The following UBOX5 variants were observed in gnomAD, a reference collection of about 807,000 sequenced individuals.
UBOX5 encodes the protein U-box domain containing 5, also known as RING finger protein 37.
In UBOX5, 28 loss-of-function variants were observed where a neutral mutation model predicts 39.0. That is an observed-to-expected ratio of 0.72 (90% CI 0.53 to 0.98). The LOEUF is 0.98. Ranked by LOEUF, UBOX5 falls within the 50% of genes least tolerant of loss-of-function variation. The pLI is 0.00. For synonymous variants in UBOX5, 283 were observed against 275.5 expected, an observed-to-expected ratio of 1.03 and a Z score of -0.27; for missense variants, 585 against 674.4, an observed-to-expected ratio of 0.87 and a Z score of 1.47.
intron 1 of UBOX5, chr20:3,146,722 A>G: frequency 6.5e-7 from 1 of 1,544,390 alleles, no homozygotes; most frequent in Admixed American, 2.0e-5. Context: ...ATTTTGCAAC[A>G]CCTGGTACAG....
intron 1 of UBOX5, among the ~76,000 whole-genome samples, chr20:3,140,065 A>G (rs1252164644): frequency 8.9e-6 from 1 of 112,866 alleles, no homozygotes; most frequent in Non-Finnish European, 1.7e-5. Context: ...TCTGTCACCC[A>G]GGCTGGAGTG....
At chr20:3,141,179 A>G (rs2066514926) in intron 1 of UBOX5, among the ~76,000 whole-genome samples, 1 of 151,772 alleles carries the variant, frequency 6.6e-6, no homozygotes, top group Non-Finnish European at 1.5e-5. Flanking sequence ...TCAGCCTCCC[A>G]AAGTGCTGGG....
chr20:3,159,843 C>T lies in UBOX5; in HGVS notation c.-119G>A, dbSNP rs553657959. The T allele has an allele frequency of 8.5e-4, 129 of 152,432 alleles. 1 individual carries two copies. Among genetic ancestry groups the T allele is most frequent in the Admixed American group, 3.4e-3 (52 of 15,312 alleles). 9.4% of individuals were successfully genotyped at this position (152,432 alleles called of 1,614,324 possible). On this transcript the variant is annotated 5_prime_UTR_variant, in exon 1 of 5. Coordinates refer to ENST00000217173, the MANE Select transcript of UBOX5 (RefSeq NM_014948.4). ...GGCGGCGACACAGATACTGGCTCCT[C>T]CGGCGACTCCGAGCCTCACAGCCCC...
At chr20:3,114,213 G>T (rs1437979473) in intron 4 of UBOX5, among the ~76,000 whole-genome samples, 1 of 152,146 alleles carries the variant, frequency 6.6e-6, no homozygotes, top group Non-Finnish European at 1.5e-5. Flanking sequence ...GGAGCTACAG[G>T]GGAACATGGA....
chr20:3,132,480 C>T (rs146539868), intron 1 of UBOX5, among the ~76,000 whole-genome samples: 1,824 of 152,060 alleles, frequency 0.012, 16 homozygotes, highest in South Asian at 0.044. Context: ...TAAATCTAAA[C>T]TGCTCTAAAT....
chr20:3,141,238 T>C (rs567687263), intron 1 of UBOX5, among the ~76,000 whole-genome samples: 2 of 152,032 alleles, frequency 1.3e-5, no homozygotes, highest in East Asian at 1.9e-4. Flanking sequence ...GTTTAACAAA[T>C]AAAAATAAAG....
At position 3,112,428 on chromosome 20, in the gene UBOX5, GAAA is replaced by G. The variant is rs11477759; in HGVS notation, c.1418-2117_1418-2115del. 6.6e-3 allele frequency among the ~76,000 whole-genome samples: 796 copies of G among 121,010 alleles called. 14 individuals carry two copies. Among genetic ancestry groups the G allele is most frequent in the African/African-American group, 0.021 (744 of 35,444 alleles). The allele number at this position is 121,010 out of a possible 152,430, so 79.4% of individuals were successfully genotyped here. A position where few individuals can be genotyped will look rare whatever the true frequency, so the allele number is the denominator to read the frequency against. On this transcript the variant is annotated intron_variant, in intron 4 of 4. Transcript: ENST00000217173. ...AGCCCCAGGGGCAGTTTCAGTGACA[GAAA>G]AAAAAAAAAAAAAATCATCAAGGAA...
intron 1 of UBOX5, among the ~76,000 whole-genome samples, chr20:3,156,173 C>CT (rs761149925): frequency 0.035 from 4,546 of 130,112 alleles, 162 homozygotes; most frequent in Admixed American, 0.067. Context: ...ACTTCTGACT[C>CT]TTTTTTTTTT....
intron 1 of UBOX5, among the ~76,000 whole-genome samples, chr20:3,155,052 CAAA>C (rs11326176): frequency 0.011 from 1,022 of 96,108 alleles, 16 homozygotes; most frequent in African/African-American, 0.044. Flanking sequence ...GACACAGTCT[CAAA>C]AAAAAAAAAA....
intron 1 of UBOX5, among the ~76,000 whole-genome samples, chr20:3,155,052 CAAAAAAAAAA>C (rs11326176): frequency 1.0e-5 from 1 of 96,100 alleles, no homozygotes; most frequent in Non-Finnish European, 2.0e-5. Context: ...GACACAGTCT[CAAAAAAAAAA>C]AAAAAAAAAA....
In UBOX5 at chr20:3,115,521, C is replaced by G. The variant is rs1050226367; in HGVS notation, c.1256-55G>C. The stretch of plus-strand genomic sequence containing the variant: ...CAGAGACAGGCTCCGCAAAAGAGAA[C>G]AGCCTCAAGTCCTTCGAGGGCTGTA... On this transcript the variant is annotated intron_variant, in intron 3 of 4. Coordinates refer to ENST00000217173, the MANE Select transcript of UBOX5 (RefSeq NM_014948.4). The G allele has an allele frequency of 1.0e-5, 16 of 1,548,948 alleles. No individual in the cohort carries two copies. In the Admixed American group the frequency reaches 1.5e-4, roughly 15 times the overall value.
intron 1 of UBOX5, among the ~76,000 whole-genome samples, chr20:3,143,284 G>C (rs1362075865): frequency 6.6e-6 from 1 of 151,484 alleles, no homozygotes; most frequent in African/African-American, 2.4e-5. Flanking sequence ...TGCATTTTTA[G>C]TAGAGACAGG....
intron 1 of UBOX5, chr20:3,147,941 A>G (rs774843885): frequency 5.0e-6 from 8 of 1,614,244 alleles, no homozygotes; most frequent in Non-Finnish European, 5.9e-6. Context: ...TATCTCTCCA[A>G]TCTGCTTCAT....
In UBOX5 at chr20:3,158,759, C is replaced by A. The variant is rs112169763; in HGVS notation, c.-42+1007G>T. 2.3e-3 allele frequency among the ~76,000 whole-genome samples: 347 copies of A among 152,352 alleles called. 1 individual carries two copies. The highest frequency in any genetic ancestry group is 7.7e-3 in the African/African-American group (322 of 41,586). ...AAAGTGCTGGGATTACAGGCGTGAG[C>A]CACTGTGTCCGGCCCAGATTTTATT... On this transcript the variant is annotated intron_variant, in intron 1 of 4. Coordinates refer to ENST00000217173, the MANE Select transcript of UBOX5 (RefSeq NM_014948.4).
Position 3,110,469 on chromosome 20 carries a change from C to A in UBOX5, c.1418-155G>T, listed in dbSNP as rs2422845. 6.1e-3 allele frequency: 5,044 copies of A among 820,784 alleles called. 209 individuals carry two copies. In the African/African-American group the frequency reaches 0.077, roughly 13 times the overall value. 50.8% of individuals were successfully genotyped at this position (820,784 alleles called of 1,614,324 possible). On this transcript the variant is annotated intron_variant, in intron 4 of 4. Transcript: ENST00000217173. ...GTCTGATCAGGTAGGGGAGTGGAAG[C>A]GGGAGAGGGAGCCTGGGAACCCGGG... is the stretch of plus-strand genomic sequence containing the variant.
intron 3 of UBOX5, among the ~76,000 whole-genome samples, chr20:3,116,953 A>G (rs2066297783): frequency 1.3e-5 from 2 of 151,992 alleles, no homozygotes; most frequent in Non-Finnish European, 2.9e-5. Context: ...AAAATTAGCC[A>G]GGCGTAGTAG....
intron 1 of UBOX5, among the ~76,000 whole-genome samples, chr20:3,132,415 T>C (rs1485311507): frequency 6.6e-6 from 1 of 152,296 alleles, no homozygotes; most frequent in East Asian, 1.9e-4. Context: ...TCATTAGTTA[T>C]AAGAAATGTA....
chr20:3,143,461 A>G (rs1283719171), intron 1 of UBOX5, among the ~76,000 whole-genome samples: 2 of 152,126 alleles, frequency 1.3e-5, no homozygotes, highest in African/African-American at 4.8e-5. Flanking sequence ...TTTAAAAACA[A>G]TTGCATCTAC....
chr20:3,115,447 C>G lies in UBOX5; in HGVS notation c.1275G>C (p.Gln425His). The change falls in exon 4 of 5, where the codon CAG (glutamine) becomes CAC (histidine). Residue 425 changes from glutamine to histidine, a missense_variant. Physicochemically the swap from Gln to His is conservative, Grantham distance 24 (BLOSUM62 0). Coordinates refer to ENST00000217173, the MANE Select transcript of UBOX5 (RefSeq NM_014948.4). ...DCSTGPLSHE[Q>H]KLSQSLEIAL... is the part of the protein sequence containing the mutation. ...CAATTTCCAAGCTTTGTGACAGCTT[C>G]TGCTCGTGGGACAGTGGACCTGTCG... 6.2e-7 allele frequency: 1 copy of G among 1,613,560 alleles called. No individual in the cohort carries two copies. Among genetic ancestry groups the G allele is most frequent in the Non-Finnish European group, 8.5e-7 (1 of 1,179,698 alleles).
Sources: gnomAD v4.1 joint callset for allele counts (sites outside exome capture counted in the v4.1 genomes callset) on GRCh38, gnomAD v4.1.1 for gene constraint, MANE v1.5 for transcripts, NCBI Gene and HGNC (gene_info 2026-07-23, HGNC 2026-07-21) for gene names.